The following TUSC3 variants were observed in gnomAD, a reference collection of about 807,000 sequenced individuals.
TUSC3 encodes dolichyl-diphosphooligosaccharide--protein glycosyltransferase subunit TUSC3.
Under a neutral mutation model 44.8 loss-of-function variants are expected in TUSC3, and 45 were observed. That is an observed-to-expected ratio of 1.00 (90% confidence interval 0.79 to 1.29). The LOEUF (loss-of-function observed/expected upper bound fraction) is 1.29. Among genes scored for constraint, TUSC3 ranks in the 50% most tolerant of loss-of-function variants. The pLI is 0.00. For synonymous variants in TUSC3, 212 were observed against 152.9 expected (o/e 1.39, Z -2.85); for missense variants, 519 against 437.9 (o/e 1.19, Z -1.65).
chr8:15,792,244 G>C, the TUSC3 span, among the ~76,000 whole-genome samples: 1 of 152,138 alleles, frequency 6.6e-6, no homozygotes, highest in East Asian at 1.9e-4. Flanking sequence ...GAATGAGGTA[G>C]AAATAGGTTG....
intron 1 of TUSC3, among the ~76,000 whole-genome samples, chr8:15,476,514 G>A (rs530365577): frequency 1.3e-5 from 2 of 152,040 alleles, no homozygotes; most frequent in Non-Finnish European, 2.9e-5. Flanking sequence ...TTTCTTAAAC[G>A]TGATTTACAA....
chr8:15,840,202 G>A, the TUSC3 span, among the ~76,000 whole-genome samples: 2 of 152,006 alleles, frequency 1.3e-5, no homozygotes, highest in African/African-American at 4.8e-5. Context: ...ACAGGAAGGG[G>A]AACATCACAC....
downstream of TUSC3, among the ~76,000 whole-genome samples, chr8:15,767,852 T>C (rs906552915): frequency 3.9e-5 from 6 of 152,092 alleles, no homozygotes; most frequent in African/African-American, 1.2e-4. Context: ...TTGGGACAAA[T>C]AGACATACAC....
chr8:15,526,503 G>T (rs1438687632), intron 2 of TUSC3, among the ~76,000 whole-genome samples: 1 of 152,130 alleles, frequency 6.6e-6, no homozygotes, highest in Non-Finnish European at 1.5e-5. Flanking sequence ...ATAATTGAAT[G>T]GTGGGGGCAG....
chr8:15,527,534 A>T (rs998815379), intron 2 of TUSC3, among the ~76,000 whole-genome samples: 2 of 152,088 alleles, frequency 1.3e-5, no homozygotes, highest in African/African-American at 4.8e-5. Flanking sequence ...TTTCTTTTTA[A>T]AAAATATTTT....
rs145646363 is a variant in TUSC3 at position 15,608,589 on chromosome 8, T to A, written c.139-14491T>A. Among the ~76,000 whole-genome samples the A allele has an allele frequency of 3.1e-3, 466 of 152,256 alleles. 2 individuals carry two copies. Among genetic ancestry groups the A allele is most frequent in the Middle Eastern group, 0.027 (8 of 294 alleles). ...ATTCCCATGTGTCACGGGAGGAACC[T>A]GATGGGAGGTGATTGGATTATGGGG... is the stretch of plus-strand genomic sequence containing the variant. On this transcript the variant is annotated intron_variant, in intron 1 of 10. Transcript: ENST00000503731.
intron 1 of TUSC3, among the ~76,000 whole-genome samples, chr8:15,425,290 T>C (rs1170239135): frequency 6.6e-6 from 1 of 152,234 alleles, no homozygotes; most frequent in Non-Finnish European, 1.5e-5. Flanking sequence ...AAATTGGTTG[T>C]GTTGCCAACC....
At chr8:15,429,702 G>A (rs1417780387) in intron 1 of TUSC3, among the ~76,000 whole-genome samples, 4 of 151,462 alleles carry the variant, frequency 2.6e-5, no homozygotes, top group Non-Finnish European at 5.9e-5. Flanking sequence ...TCCCTTGTAA[G>A]GTGGATTCTT....
At chr8:15,420,604 A>G (rs1292339319) in intron 1 of TUSC3, among the ~76,000 whole-genome samples, 1 of 152,084 alleles carries the variant, frequency 6.6e-6, no homozygotes, top group Non-Finnish European at 1.5e-5. Context: ...GTTTCTGCAA[A>G]AATTCCTCTG....
chr8:15,822,184 G>GA, the TUSC3 span, among the ~76,000 whole-genome samples: 22,300 of 151,980 alleles, frequency 0.15, 1,886 homozygotes, highest in African/African-American at 0.24. Flanking sequence ...GCTACAAATA[G>GA]AAAAAAACGG....
the TUSC3 span, among the ~76,000 whole-genome samples, chr8:15,816,959 C>G: frequency 6.6e-6 from 1 of 152,132 alleles, no homozygotes; most frequent in Non-Finnish European, 1.5e-5. Context: ...AATGTCCTTC[C>G]TTTATTTTGT....
intron 1 of TUSC3, among the ~76,000 whole-genome samples, chr8:15,420,390 T>C (rs902152413): frequency 2.0e-5 from 3 of 151,944 alleles, no homozygotes; most frequent in African/African-American, 7.3e-5. Flanking sequence ...TCTCAGCTAC[T>C]TGGAGGCTGA....
upstream of TUSC3, among the ~76,000 whole-genome samples, chr8:15,539,071 T>A: frequency 6.6e-6 from 1 of 151,750 alleles, no homozygotes; most frequent in East Asian, 2.0e-4. Context: ...CAGGCTGCTC[T>A]CCAACTCTTG....
chr8:15,417,801 G>T (rs1446058100), intron 1 of TUSC3, among the ~76,000 whole-genome samples: 1 of 152,096 alleles, frequency 6.6e-6, no homozygotes, highest in African/African-American at 2.4e-5. Flanking sequence ...ATTGGCGTTG[G>T]CTTATGGTTA....
intron 8 of TUSC3, among the ~76,000 whole-genome samples, chr8:15,747,987 C>G (rs547809673): frequency 7.7e-4 from 117 of 152,194 alleles, no homozygotes; most frequent in African/African-American, 2.7e-3. Flanking sequence ...GCTAATATAG[C>G]CAATGCTTCA....
At chr8:15,428,717 C>G in intron 1 of TUSC3, among the ~76,000 whole-genome samples, 1 of 152,082 alleles carries the variant, frequency 6.6e-6, no homozygotes, top group Non-Finnish European at 1.5e-5. Flanking sequence ...TCTGTGATGG[C>G]CAGTGATGAT....
intron 2 of TUSC3, among the ~76,000 whole-genome samples, chr8:15,526,697 C>G (rs762725958): frequency 7.2e-5 from 11 of 152,152 alleles, no homozygotes; most frequent in Non-Finnish European, 1.3e-4. Flanking sequence ...CATTGAACCT[C>G]TTTTTCTTTA....
At chr8:15,537,436 C>T (rs1385143313), upstream of TUSC3, among the ~76,000 whole-genome samples, 2 of 152,178 alleles carry the variant, frequency 1.3e-5, no homozygotes, top group Non-Finnish European at 2.9e-5. Context: ...CCACCTCGGG[C>T]ACATGTTCTC....
chr8:15,751,799 C>G (rs542942697), intron 9 of TUSC3, among the ~76,000 whole-genome samples: 10 of 152,248 alleles, frequency 6.6e-5, no homozygotes, highest in African/African-American at 1.9e-4. Context: ...AGATCGTTCT[C>G]AAAACTCTGT....
Sources: gnomAD v4.1 joint callset for allele counts (sites outside exome capture counted in the v4.1 genomes callset) on GRCh38, gnomAD v4.1.1 for gene constraint, MANE v1.5 for transcripts, NCBI Gene and HGNC (gene_info 2026-07-23, HGNC 2026-07-21) for gene names.